The following LAMA2 variants were observed in gnomAD, a reference collection of about 807,000 sequenced individuals.
LAMA2 encodes the protein laminin subunit alpha 2.
LAMA2 carries 269 observed loss-of-function variants against 364.8 expected under a neutral mutation model. The observed-to-expected ratio is 0.74, with a 90% CI of 0.67 to 0.82. LAMA2 has a LOEUF of 0.82. Among genes scored for constraint, LAMA2 ranks in the 40% least tolerant of loss-of-function variants. LAMA2 has a pLI of 0.00. For missense variants in LAMA2, 3,807 were observed against 3,873.2 expected, an observed-to-expected ratio of 0.98 and a Z score of 0.45; for synonymous variants, 1,379 against 1,370.6, an observed-to-expected ratio of 1.01 and a Z score of -0.14.
intron 27 of LAMA2, among the ~76,000 whole-genome samples, chr6:129,319,512 A>G (rs1376124009): frequency 6.6e-6 from 1 of 152,206 alleles, no homozygotes; most frequent in African/African-American, 2.4e-5. Context: ...AGGATTTGGT[A>G]CATGAGCCCC....
intron 12 of LAMA2, among the ~76,000 whole-genome samples, chr6:129,241,317 T>C (rs1785383615): frequency 6.6e-6 from 1 of 152,168 alleles, no homozygotes; most frequent in South Asian, 2.1e-4. Flanking sequence ...ATCACTATGA[T>C]CTCTCCCCAA....
At chr6:128,979,496 T>C (rs1782736706) in intron 1 of LAMA2, among the ~76,000 whole-genome samples, 1 of 152,052 alleles carries the variant, frequency 6.6e-6, no homozygotes, top group Admixed American at 6.5e-5. Context: ...AGGAAGAGCA[T>C]GAAAGACAAA....
chr6:128,904,048 G>A (rs546190259), intron 1 of LAMA2, among the ~76,000 whole-genome samples: 21 of 152,258 alleles, frequency 1.4e-4, no homozygotes, highest in Non-Finnish European at 1.8e-4. Context: ...TTCTAGAACC[G>A]CCATTTCCTT....
chr6:128,906,626 G>A (rs1777490465), intron 1 of LAMA2, among the ~76,000 whole-genome samples: 1 of 151,954 alleles, frequency 6.6e-6, no homozygotes, highest in South Asian at 2.1e-4. Context: ...CTGCACAGAA[G>A]CTCTTTAGTT....
chr6:129,093,522 A>G (rs1774978680), intron 3 of LAMA2, among the ~76,000 whole-genome samples: 1 of 152,152 alleles, frequency 6.6e-6, no homozygotes, highest in South Asian at 2.1e-4. Context: ...ATGATGTTCA[A>G]GATTGGAAAG....
At chr6:129,399,671 T>C (rs1161877112) in intron 37 of LAMA2, among the ~76,000 whole-genome samples, 1 of 151,892 alleles carries the variant, frequency 6.6e-6, no homozygotes, top group Non-Finnish European at 1.5e-5. Flanking sequence ...ATTACCAGAA[T>C]GGAGGGAGGA....
At chr6:128,964,583 T>A (rs1308338460) in intron 1 of LAMA2, among the ~76,000 whole-genome samples, 1 of 152,004 alleles carries the variant, frequency 6.6e-6, no homozygotes, top group Non-Finnish European at 1.5e-5. Context: ...AAAGAATGGG[T>A]TTGAATCTAA....
chr6:129,316,615 G>T (rs949739424), intron 27 of LAMA2, among the ~76,000 whole-genome samples: 1 of 152,174 alleles, frequency 6.6e-6, no homozygotes, highest in Non-Finnish European at 1.5e-5. Flanking sequence ...ATACAATGTT[G>T]TCATTTTCCC....
chr6:129,437,318 A>G (rs1037941273), intron 41 of LAMA2, among the ~76,000 whole-genome samples: 3 of 152,136 alleles, frequency 2.0e-5, no homozygotes, highest in African/African-American at 7.2e-5. Context: ...CATCATATAC[A>G]TCATACATCA....
chr6:128,924,815 T>C (rs954562564), intron 1 of LAMA2, among the ~76,000 whole-genome samples: 7 of 152,232 alleles, frequency 4.6e-5, no homozygotes, highest in Admixed American at 6.5e-5. Flanking sequence ...CAATTACGTC[T>C]TCTTTTAGAG....
Position 129,486,535 on chromosome 6 carries a change from G to A in LAMA2, c.7811G>A (p.Arg2604Gln), listed in dbSNP as rs200853002. ...RLEVHLSTGA[R>Q]TMRKIVIRPE... ...GAAGTGCATCTCTCCACAGGGGCAC[G>A]AACAATGAGGAAAATTGTGATCAGA... The change falls in exon 56 of 65, where the codon CGA (arginine) becomes CAA (glutamine). Residue 2604 changes from arginine to glutamine, a missense_variant. This residue lies in a region of LAMA2 where 3,333 missense variants were observed against 3,345.7 expected (regional missense o/e 1.00). Transcript: ENST00000421865. 9.3e-6 allele frequency: 15 copies of A among 1,613,798 alleles called. No individual in the cohort carries two copies. The highest frequency in any genetic ancestry group is 6.6e-5 in the South Asian group (6 of 91,078).
Position 129,224,335 on chromosome 6 carries a change from A to G in LAMA2, c.1783-25777A>G, listed in dbSNP as rs921482099. On this transcript the variant is annotated intron_variant, in intron 12 of 64. Coordinates refer to ENST00000421865, the MANE Select transcript of LAMA2 (RefSeq NM_000426.4). ...CTCTTTTCCTAATTAAATACCCTTC[A>G]TTACTTTCTCCTGCCTGATTGCCCT... 2.8e-4 allele frequency among the ~76,000 whole-genome samples: 42 copies of G among 152,130 alleles called. 1 individual carries two copies. The highest frequency in any genetic ancestry group is 9.2e-4 in the African/African-American group (38 of 41,428).
At chr6:128,931,528 T>C (rs1396383964) in intron 1 of LAMA2, among the ~76,000 whole-genome samples, 1 of 152,214 alleles carries the variant, frequency 6.6e-6, no homozygotes, top group Non-Finnish European at 1.5e-5. Flanking sequence ...AAAATAGTTA[T>C]TAAGTTAAAA....
intron 12 of LAMA2, among the ~76,000 whole-genome samples, chr6:129,229,441 G>A (rs1240427185): frequency 6.6e-6 from 1 of 152,094 alleles, no homozygotes; most frequent in African/African-American, 2.4e-5. Context: ...AAGAGTTGAA[G>A]GATATGGGGA....
chr6:129,203,795 C>T (rs1432389164), intron 12 of LAMA2, among the ~76,000 whole-genome samples: 1 of 152,082 alleles, frequency 6.6e-6, no homozygotes, highest in African/African-American at 2.4e-5. Flanking sequence ...TGGATCTCTG[C>T]TTTATTAGCT....
At chr6:129,172,464 G>A (rs1229979753) in intron 9 of LAMA2, among the ~76,000 whole-genome samples, 1 of 152,210 alleles carries the variant, frequency 6.6e-6, no homozygotes, top group Non-Finnish European at 1.5e-5. Context: ...CCTGCTGGGG[G>A]GTGCCTCCCA....
At chr6:129,453,482 A>G (rs41500045) in intron 46 of LAMA2, among the ~76,000 whole-genome samples, 10,804 of 152,212 alleles carry the variant, frequency 0.071, 845 homozygotes, top group African/African-American at 0.2. Flanking sequence ...TTCAAACTAA[A>G]TTACAATAAA....
At chr6:128,929,156 G>T in intron 1 of LAMA2, 1 of 1,435,362 alleles carries the variant, frequency 7.0e-7, no homozygotes, top group South Asian at 1.1e-5. Context: ...AGGATCCAAT[G>T]GCCGGTAGAT....
Position 129,169,999 on chromosome 6 carries a change from C to G in LAMA2, c.1306+4324C>G, listed in dbSNP as rs1481905850. On this transcript the variant is annotated intron_variant, in intron 9 of 64. Transcript: ENST00000421865. ...TTTTAGTTTGTATTTCTGTGGGATC[C>G]GTGGTGATATCCCCTTTATCATTTT... is the stretch of plus-strand genomic sequence containing the variant. Among the ~76,000 whole-genome samples, 786 of 148,776 alleles carry G rather than the reference C, an allele frequency of 5.3e-3. 9 individuals carry two copies. Among genetic ancestry groups the G allele is most frequent in the African/African-American group, 0.019 (715 of 38,446 alleles).
Sources: allele counts gnomAD v4.1 joint callset (sites outside exome capture counted in the v4.1 genomes callset), GRCh38; gene constraint gnomAD v4.1.1; regional missense constraint gnomAD v4.1.1; transcripts MANE v1.5; gene names NCBI Gene and HGNC (gene_info 2026-07-23, HGNC 2026-07-21).